RCN2: variants seen among roughly 807,000 people sequenced by gnomAD.
RCN2 encodes reticulocalbin 2.
RCN2 carries 23 observed loss-of-function variants against 37.5 expected under a neutral mutation model. The observed-to-expected ratio is 0.61, with a 90% CI of 0.44 to 0.87. The LOEUF (loss-of-function observed/expected upper bound fraction) is 0.87. RCN2 is among the 40% of genes least tolerant of loss of function. The probability of loss-of-function intolerance (pLI) is 0.00; values close to 1 mark genes in which losing one functional copy is unlikely to be tolerated. For synonymous variants in RCN2, 140 were observed against 144.6 expected (o/e 0.97, Z 0.23); for missense variants, 381 against 390.4 (o/e 0.98, Z 0.20).
chr15:76,932,140 TG>T (rs1394017614), intron 1 of RCN2, among the ~76,000 whole-genome samples, 155 bp downstream of exon 1: 1 of 152,020 alleles, frequency 6.6e-6, no homozygotes, highest in Non-Finnish European at 1.5e-5. Flanking sequence ...CTGGGGGTCC[TG>T]GGGCCTGGAA....
In RCN2 at chr15:76,935,626, G is replaced by T; in HGVS notation, c.351G>T (p.Val117=). The change falls in exon 3 of 7, where the codon GTG becomes GTT. Residue 117 remains valine (V), a synonymous_variant. Coordinates refer to ENST00000394885, the MANE Select transcript of RCN2 (RefSeq NM_002902.3). ...ATGATAAAAACAGTGATGATACTGTGACTTGGGATGAATATAACATTCAGA... is the reference window on the plus strand; with the variant it reads ...ATGATAAAAACAGTGATGATACTGTTACTTGGGATGAATATAACATTCAGA... ...VEYDKNSDDT[V]TWDEYNIQMY... 1 of 1,613,144 alleles carries T rather than the reference G, an allele frequency of 6.2e-7. No homozygotes were observed. Among genetic ancestry groups the T allele is most frequent in the South Asian group, 1.1e-5 (1 of 91,014 alleles).
At chr15:76,938,658 A>G (rs979026921) in intron 3 of RCN2, 1 of 440,036 alleles carries the variant, frequency 2.3e-6, no homozygotes. Flanking sequence ...TTAGAATCAT[A>G]TTGGCCGCTT....
intron 3 of RCN2, among the ~76,000 whole-genome samples, chr15:76,936,884 G>A (rs902303324): frequency 4.6e-5 from 7 of 152,022 alleles, no homozygotes; most frequent in African/African-American, 1.2e-4. Flanking sequence ...CAATCTCCCC[G>A]ACTCTTTTCA....
In RCN2 at chr15:76,951,569, A is replaced by G. The variant is rs2075320794; in HGVS notation, c.*2347A>G. ...TTTCACATTTAACAATAGGCTTTTA[A>G]TAAGCATGCAGAGAAAAAGAATCAT... On this transcript the variant is annotated 3_prime_UTR_variant, in exon 7 of 7. Coordinates refer to ENST00000394885, the MANE Select transcript of RCN2 (RefSeq NM_002902.3). The G allele has an allele frequency of 6.6e-6, 1 of 152,220 alleles. No homozygotes were observed. Among genetic ancestry groups the G allele is most frequent in the Non-Finnish European group, 1.5e-5 (1 of 68,028 alleles). The allele number at this position is 152,220 out of a possible 1,614,324, so 9.4% of individuals were successfully genotyped here. A position where few individuals can be genotyped will look rare whatever the true frequency, so the allele number is the denominator to read the frequency against.
In RCN2 at chr15:76,953,820, G is replaced by A. The variant is rs1295947706; in HGVS notation, c.*4598G>A. 3 of 2,542 alleles carry A rather than the reference G, an allele frequency of 1.2e-3. No individual in the cohort carries two copies. Among genetic ancestry groups the A allele is most frequent in the South Asian group, 0.25 (1 of 4 alleles). 0.2% of individuals were successfully genotyped at this position (2,542 alleles called of 1,614,324 possible). A position where few individuals can be genotyped will look rare whatever the true frequency, so the allele number is the denominator to read the frequency against. ...GACGGGGTTTCACCGTGTTAGCCAG[G>A]ATGGTCTTGATCTGCTGACCTCGTG... On this transcript the variant is annotated 3_prime_UTR_variant, in exon 7 of 7. Coordinates refer to ENST00000394885, the MANE Select transcript of RCN2 (RefSeq NM_002902.3).
chr15:76,941,988 C>T (rs1257885280), intron 3 of RCN2: 1 of 235,806 alleles, frequency 4.2e-6, no homozygotes, highest in African/African-American at 2.2e-5. Context: ...CTGCTTTTAC[C>T]ATGTTAAACC....
chr15:76,939,192 C>T (rs2152650303), intron 3 of RCN2, among the ~76,000 whole-genome samples: 1 of 151,652 alleles, frequency 6.6e-6, no homozygotes, highest in South Asian at 2.1e-4. Flanking sequence ...ATTTATGCCA[C>T]TACACTGCAG....
chr15:76,933,309 C>T (rs1052746405), intron 2 of RCN2, among the ~76,000 whole-genome samples: 2 of 152,182 alleles, frequency 1.3e-5, no homozygotes, highest in African/African-American at 4.8e-5. Flanking sequence ...TGTTCACCAT[C>T]AAGGAATTAA....
chr15:76,945,991 A>T (rs966814178), intron 4 of RCN2, among the ~76,000 whole-genome samples: 20 of 152,362 alleles, frequency 1.3e-4, no homozygotes, highest in Middle Eastern at 3.4e-3. Context: ...AATAAGGAAC[A>T]ATTGAAGACT....
chr15:76,947,071 G>A (rs1311669567), intron 4 of RCN2, among the ~76,000 whole-genome samples: 2 of 152,230 alleles, frequency 1.3e-5, no homozygotes, highest in South Asian at 2.1e-4. Context: ...CTTTTCTTGA[G>A]AGGGAGAGAT....
Position 76,931,921 on chromosome 15 carries a change from A to T in RCN2, c.80A>T (p.Glu27Val), listed in dbSNP as rs1259575389. 7 of 1,326,004 alleles carry T rather than the reference A, an allele frequency of 5.3e-6. No individual in the cohort carries two copies. The highest frequency in any genetic ancestry group is 1.5e-5 in the African/African-American group (1 of 64,778). 82.1% of individuals were successfully genotyped at this position (1,326,004 alleles called of 1,614,324 possible). Reference sequence around the variant, plus strand: ...GCGGCCGGCGCCGGCAAGGCCGAGGAGCTGCACTACCCGCTGGGCGAGCGC... The same window carrying T: ...GCGGCCGGCGCCGGCAAGGCCGAGGTGCTGCACTACCCGCTGGGCGAGCGC... ...AAAAGAGKAE[E>V]LHYPLGERRS... The change falls in exon 1 of 7, where the codon GAG becomes GTG. Residue 27 changes from glutamate (E) to valine (V), a missense_variant. Transcript: ENST00000394885.
chr15:76,933,774 C>T (rs1050428612), intron 2 of RCN2, among the ~76,000 whole-genome samples: 25 of 152,166 alleles, frequency 1.6e-4, no homozygotes, highest in African/African-American at 6.0e-4. Flanking sequence ...AAGAAAGATT[C>T]ATGGTGCTTA....
rs1451102185 is a variant in RCN2 at position 76,952,696 on chromosome 15, C to G, written c.*3474C>G. ...AGTGCAATGGCATGATTTCGGCTCA[C>G]TGCAACCTCTGTCTCTTGGGGTCAA... On this transcript the variant is annotated 3_prime_UTR_variant, in exon 7 of 7. Transcript: ENST00000394885. 6.6e-6 allele frequency: 1 copy of G among 152,344 alleles called. No homozygotes were observed. Among genetic ancestry groups the G allele is most frequent in the Non-Finnish European group, 1.5e-5 (1 of 68,176 alleles). 9.4% of individuals were successfully genotyped at this position (152,344 alleles called of 1,614,324 possible).
At position 76,950,647 on chromosome 15, in the gene RCN2, C is replaced by G. The variant is rs2075316896; in HGVS notation, c.*1425C>G. 6.6e-6 allele frequency: 1 copy of G among 152,208 alleles called. No homozygotes were observed. The highest frequency in any genetic ancestry group is 1.5e-5 in the Non-Finnish European group (1 of 68,076). 9.4% of individuals were successfully genotyped at this position (152,208 alleles called of 1,614,324 possible). A position where few individuals can be genotyped will look rare whatever the true frequency, so the allele number is the denominator to read the frequency against. Reference sequence around the variant, plus strand: ...CTCATGATCAGCCCACCTCGGCCTCCCAAGGTGCTGGAATTACAGGCGTGA... The same window carrying G: ...CTCATGATCAGCCCACCTCGGCCTCGCAAGGTGCTGGAATTACAGGCGTGA... On this transcript the variant is annotated 3_prime_UTR_variant, in exon 7 of 7. Coordinates refer to ENST00000394885, the MANE Select transcript of RCN2 (RefSeq NM_002902.3).
chr15:76,937,755 G>C (rs573130299), intron 3 of RCN2, among the ~76,000 whole-genome samples: 1 of 152,096 alleles, frequency 6.6e-6, no homozygotes, highest in Non-Finnish European at 1.5e-5. Flanking sequence ...GAGTTCTAAT[G>C]TGTCTCATGG....
Position 76,951,682 on chromosome 15 carries a change from T to C in RCN2, c.*2460T>C, listed in dbSNP as rs2075321514. On this transcript the variant is annotated 3_prime_UTR_variant, in exon 7 of 7. Coordinates refer to ENST00000394885, the MANE Select transcript of RCN2 (RefSeq NM_002902.3). ...TAGATTTGAATTTTAAATAAGACTT[T>C]TAAAATAAAGCTTTTATTTTGGTTT... 2 of 152,228 alleles carry C rather than the reference T, an allele frequency of 1.3e-5. No individual in the cohort carries two copies. Among genetic ancestry groups the C allele is most frequent in the Admixed American group, 6.5e-5 (1 of 15,282 alleles). The allele number at this position is 152,228 out of a possible 1,614,324, so 9.4% of individuals were successfully genotyped here. A position where few individuals can be genotyped will look rare whatever the true frequency, so the allele number is the denominator to read the frequency against.
intron 4 of RCN2, among the ~76,000 whole-genome samples, chr15:76,946,560 T>C (rs1299956286): frequency 6.6e-6 from 1 of 152,190 alleles, no homozygotes; most frequent in African/African-American, 2.4e-5. Flanking sequence ...GAGATCAGCC[T>C]TGCCAACATG....
chr15:76,939,535 T>A (rs1184627956), intron 3 of RCN2, among the ~76,000 whole-genome samples: 3 of 152,170 alleles, frequency 2.0e-5, no homozygotes, highest in Admixed American at 6.5e-5. Flanking sequence ...TACAGTGGAC[T>A]AAAGTGAGTA....
At chr15:76,942,398 CAGGATTAGCAGTAT>C (rs1234007766) in intron 3 of RCN2, 1 of 152,138 alleles carries the variant, frequency 6.6e-6, no homozygotes, top group Non-Finnish European at 1.5e-5. Context: ...AGAAATTATG[CAGGATTAGCAGTAT>C]AGCATTATTG....
Sources: allele counts gnomAD v4.1 joint callset (sites outside exome capture counted in the v4.1 genomes callset), GRCh38; gene constraint gnomAD v4.1.1; transcripts MANE v1.5; gene names NCBI Gene and HGNC (gene_info 2026-07-23, HGNC 2026-07-21).